NAV2: variants seen among roughly 807,000 people sequenced by gnomAD.
The protein encoded by NAV2 is helicase, APC down-regulated 1.
In NAV2, 54 loss-of-function variants were observed where a neutral mutation model predicts 223.2. That is an observed-to-expected ratio of 0.24 (90% confidence interval 0.19 to 0.30). The LOEUF is 0.30. Among genes scored for constraint, NAV2 ranks in the 10% least tolerant of loss-of-function variants. The pLI, the probability that NAV2 is intolerant of heterozygous loss-of-function variation, is 1.00. For synonymous variants in NAV2, 1,279 were observed against 1,239.3 expected, an observed-to-expected ratio of 1.03 and a Z score of -0.67; for missense variants, 2,806 against 3,147.5, an observed-to-expected ratio of 0.89 and a Z score of 2.60.
chr11:19,950,073 C>T (rs1474170049), intron 10 of NAV2, among the ~76,000 whole-genome samples: 1 of 152,232 alleles, frequency 6.6e-6, no homozygotes, highest in Non-Finnish European at 1.5e-5. Flanking sequence ...AGTTATTTCA[C>T]TTGCCTGGGA....
At chr11:19,382,297 T>G (rs956631196) in intron 1 of NAV2, among the ~76,000 whole-genome samples, 4 of 152,202 alleles carry the variant, frequency 2.6e-5, no homozygotes, top group African/African-American at 9.6e-5. Context: ...ATTCTTTTTC[T>G]TTCGGCCCAT....
chr11:19,806,439 A>G (rs1590649430), intron 1 of NAV2, among the ~76,000 whole-genome samples: 1 of 152,218 alleles, frequency 6.6e-6, no homozygotes, highest in African/African-American at 2.4e-5. Flanking sequence ...TAAAATTTGG[A>G]ACATGATCAG....
rs768598584 is a variant in NAV2 at position 19,939,732 on chromosome 11, A to T, written c.2105A>T (p.His702Leu). Residue 702 changes from histidine (H) to leucine (L), a missense_variant, in exon 8 of 38, where the codon CAC becomes CTC. His to Leu is a moderately conservative substitution (Grantham distance 99). This residue lies in a region of NAV2 where 1,167 missense variants were observed against 1,180.5 expected (regional missense o/e 0.99). Coordinates refer to ENST00000349880, the MANE Select transcript of NAV2 (RefSeq NM_145117.5). ...ACAGGTGTGAGCGTGGAGCCCAGCC[A>T]CTTCACCAAGACTGGACAGCCTGCT... ...SSTGVSVEPS[H>L]FTKTGQPALE... is the part of the protein sequence containing the mutation. 1.2e-6 allele frequency: 2 copies of T among 1,614,032 alleles called. No homozygotes were observed. The highest frequency in any genetic ancestry group is 1.7e-6 in the Non-Finnish European group (2 of 1,180,008).
chr11:19,555,356 C>G (rs2044845540), intron 1 of NAV2, among the ~76,000 whole-genome samples: 1 of 152,240 alleles, frequency 6.6e-6, no homozygotes, highest in South Asian at 2.1e-4. Context: ...CAGGCAAGGT[C>G]TATCACCTTG....
chr11:19,679,201 C>T (rs1024333704), intron 1 of NAV2, among the ~76,000 whole-genome samples: 11 of 152,072 alleles, frequency 7.2e-5, no homozygotes, highest in Non-Finnish European at 1.2e-4. Context: ...GAGGCTGAGG[C>T]GGGTGGATCA....
chr11:20,095,607 C>A, intron 29 of NAV2, 65 bp from the exon 30 acceptor site: 2 of 1,164,268 alleles, frequency 1.7e-6, no homozygotes, highest in East Asian at 2.4e-5. Context: ...AACCTGAGTC[C>A]TCTGCTGAAC....
At chr11:19,656,748 G>T (rs1311349477) in intron 1 of NAV2, among the ~76,000 whole-genome samples, 1 of 152,192 alleles carries the variant, frequency 6.6e-6, no homozygotes, top group Non-Finnish European at 1.5e-5. Flanking sequence ...ACTCCTGTGA[G>T]AAGCAATGCT....
intron 1 of NAV2, among the ~76,000 whole-genome samples, chr11:19,609,123 C>A (rs2046561211): frequency 6.6e-6 from 1 of 152,176 alleles, no homozygotes; most frequent in Non-Finnish European, 1.5e-5. Context: ...TGTACCTATT[C>A]ACAGGTTGAG....
At chr11:19,674,087 C>T (rs941666947) in intron 1 of NAV2, among the ~76,000 whole-genome samples, 1 of 152,178 alleles carries the variant, frequency 6.6e-6, no homozygotes, top group African/African-American at 2.4e-5. Flanking sequence ...CAGCCAAGTG[C>T]CTCTGGCCTG....
At position 20,003,286 on chromosome 11, in the gene NAV2, G is replaced by A. The variant is rs575976392; in HGVS notation, c.2768+19039G>A. On this transcript the variant is annotated intron_variant, in intron 11 of 37. Transcript: ENST00000349880. ...ACTGGCAATTGATCAGGATGGATTC[G>A]GATGACATCTGTATTGAGGGTCTAT... Among the ~76,000 whole-genome samples the A allele has an allele frequency of 8.5e-5, 13 of 152,254 alleles. No homozygotes were observed. The South Asian group carries it at 2.3e-3, about 27-fold the overall frequency.
chr11:19,963,572 G>A (rs1378987688), intron 10 of NAV2, among the ~76,000 whole-genome samples: 1 of 152,232 alleles, frequency 6.6e-6, no homozygotes, highest in African/African-American at 2.4e-5. Flanking sequence ...GTACAGAGGA[G>A]TGAGTTATGT....
At chr11:19,498,553 A>AT (rs2042869999) in intron 1 of NAV2, among the ~76,000 whole-genome samples, 1 of 152,226 alleles carries the variant, frequency 6.6e-6, no homozygotes, top group African/African-American at 2.4e-5. Context: ...ATCCACCCCC[A>AT]TAACTATCTT....
chr11:19,950,047 G>C (rs1435488872), intron 10 of NAV2, among the ~76,000 whole-genome samples: 1 of 152,214 alleles, frequency 6.6e-6, no homozygotes, highest in Non-Finnish European at 1.5e-5. Flanking sequence ...TCACCCTGCA[G>C]ACTTAAGGTG....
chr11:19,545,873 C>A (rs945007678), intron 1 of NAV2, among the ~76,000 whole-genome samples: 1 of 152,060 alleles, frequency 6.6e-6, no homozygotes, highest in Non-Finnish European at 1.5e-5. Context: ...GATTGGACAA[C>A]CCTGACCTAA....
chr11:19,562,802 C>T (rs1012068286), intron 1 of NAV2, among the ~76,000 whole-genome samples: 1 of 152,192 alleles, frequency 6.6e-6, no homozygotes. Context: ...GCATCAGTAG[C>T]ACCTACAAGA....
At chr11:19,619,764 A>T (rs1488789869) in intron 1 of NAV2, among the ~76,000 whole-genome samples, 6 of 152,150 alleles carry the variant, frequency 3.9e-5, no homozygotes, top group Non-Finnish European at 7.3e-5. Flanking sequence ...CTTTAGTTTA[A>T]TTAGACCCCA....
chr11:19,899,554 C>T (rs2042272301), intron 6 of NAV2, among the ~76,000 whole-genome samples: 1 of 152,164 alleles, frequency 6.6e-6, no homozygotes, highest in Non-Finnish European at 1.5e-5. Context: ...CACTTACTAT[C>T]TGTCCAGCAC....
chr11:19,387,386 C>T (rs1849083650), intron 1 of NAV2, among the ~76,000 whole-genome samples: 2 of 152,030 alleles, frequency 1.3e-5, no homozygotes, highest in Admixed American at 6.5e-5. Context: ...TGCATAAAGA[C>T]TGGAAGCATG....
intron 6 of NAV2, among the ~76,000 whole-genome samples, chr11:19,894,966 T>G (rs71488721): frequency 0.017 from 2,506 of 151,632 alleles, 30 homozygotes; most frequent in Middle Eastern, 0.051. Flanking sequence ...CCAACCTCAG[T>G]TGATCCGCCC....
Sources: gnomAD v4.1 joint callset for allele counts (sites outside exome capture counted in the v4.1 genomes callset) on GRCh38, gnomAD v4.1.1 for gene constraint, gnomAD v4.1.1 regional missense constraint, MANE v1.5 for transcripts, NCBI Gene and HGNC (gene_info 2026-07-23, HGNC 2026-07-21) for gene names.